Variants in DMRT1 observed in about 807,000 individuals in gnomAD.
DMRT1 encodes the protein doublesex- and mab-3-related transcription factor 1.
In DMRT1, 7 loss-of-function variants were observed where a neutral mutation model predicts 32.3. The observed-to-expected ratio is 0.22, with a 90% confidence interval of 0.12 to 0.41. The LOEUF is 0.41. DMRT1 is among the 10% of genes least tolerant of loss of function. The pLI is 1.00. For missense variants in DMRT1, 625 were observed against 500.5 expected (o/e 1.25, Z -2.37); for synonymous variants, 278 against 206.1 (o/e 1.35, Z -2.99).
At chr9:887,593 C>G (rs138191634) in intron 2 of DMRT1, among the ~76,000 whole-genome samples, 1 of 152,238 alleles carries the variant, frequency 6.6e-6, no homozygotes, top group Non-Finnish European at 1.5e-5. Flanking sequence ...GTGGCTGGAG[C>G]GCGTCTTGTC....
intron 2 of DMRT1, among the ~76,000 whole-genome samples, chr9:889,328 A>G (rs1316407139): frequency 1.3e-5 from 2 of 152,236 alleles, no homozygotes; most frequent in Admixed American, 1.3e-4. Context: ...TAAAGTGGTT[A>G]AACATTTTAA....
At chr9:860,034 C>T (rs1356411273) in intron 2 of DMRT1, among the ~76,000 whole-genome samples, 4 of 152,286 alleles carry the variant, frequency 2.6e-5, no homozygotes, top group Admixed American at 1.3e-4. Flanking sequence ...CGGTGGCTCA[C>T]GCCTGTAATC....
intron 2 of DMRT1, among the ~76,000 whole-genome samples, chr9:855,935 G>A (rs1250436254): frequency 6.7e-6 from 1 of 149,480 alleles, no homozygotes; most frequent in Non-Finnish European, 1.5e-5. Context: ...TTTTTTTTTT[G>A]AGATGAAGTC....
intron 3 of DMRT1, among the ~76,000 whole-genome samples, chr9:906,228 G>A (rs1011306111): frequency 2.0e-5 from 3 of 152,258 alleles, no homozygotes; most frequent in Admixed American, 1.3e-4. Context: ...ACCAGCCTGC[G>A]TCGGATCTTG....
chr9:947,434 A>G lies in DMRT1; in HGVS notation c.968-20551A>G, dbSNP rs902499847. 2.6e-5 allele frequency among the ~76,000 whole-genome samples: 4 copies of G among 152,198 alleles called. No homozygotes were observed. In the South Asian group the frequency reaches 8.3e-4, roughly 31 times the overall value. ...GTCTATTAAGGAAGGAAAGCTCGTA[A>G]TTTCTTGCTTCAGAAGTAATCACTC... On this transcript the variant is annotated intron_variant, in intron 4 of 4. Transcript: ENST00000382276.
At chr9:901,430 G>A (rs1162104796) in intron 3 of DMRT1, among the ~76,000 whole-genome samples, 4 of 152,044 alleles carry the variant, frequency 2.6e-5, no homozygotes, top group South Asian at 2.1e-4. Flanking sequence ...GGGTTCAAGC[G>A]ATTCTCCTGC....
chr9:898,307 A>G (rs1222102040), intron 3 of DMRT1, among the ~76,000 whole-genome samples: 3 of 152,088 alleles, frequency 2.0e-5, no homozygotes, highest in African/African-American at 4.8e-5. Flanking sequence ...TTTAGTGGAC[A>G]TGGGGTTTCA....
intron 4 of DMRT1, among the ~76,000 whole-genome samples, chr9:943,937 T>C (rs1819158894): frequency 6.6e-6 from 1 of 152,204 alleles, no homozygotes; most frequent in African/African-American, 2.4e-5. Context: ...CCAAATTCTT[T>C]TCCCTTGTGT....
intron 2 of DMRT1, among the ~76,000 whole-genome samples, chr9:868,683 C>T (rs1456766223): frequency 6.6e-6 from 1 of 152,136 alleles, no homozygotes; most frequent in Non-Finnish European, 1.5e-5. Flanking sequence ...TTATGAATTG[C>T]AGAGTATACT....
intron 4 of DMRT1, among the ~76,000 whole-genome samples, chr9:921,714 A>C (rs1275318900): frequency 2.0e-5 from 3 of 152,162 alleles, no homozygotes; most frequent in African/African-American, 7.2e-5. Flanking sequence ...TCTCTACAAA[A>C]AAATAAAAAA....
chr9:925,825 A>G (rs554056578), intron 4 of DMRT1, among the ~76,000 whole-genome samples: 7 of 152,274 alleles, frequency 4.6e-5, no homozygotes, highest in South Asian at 2.1e-4. Flanking sequence ...TAGGTAGGGG[A>G]AAGGAGGGGT....
chr9:869,814 T>C (rs1014749606), intron 2 of DMRT1, among the ~76,000 whole-genome samples: 2 of 152,190 alleles, frequency 1.3e-5, no homozygotes, highest in Non-Finnish European at 1.5e-5. Context: ...TCTCCTCTTC[T>C]CCCCATTTGG....
chr9:888,682 G>A (rs917639059), intron 2 of DMRT1, among the ~76,000 whole-genome samples: 2 of 147,584 alleles, frequency 1.4e-5, no homozygotes, highest in African/African-American at 5.2e-5. Context: ...ATATTTTTAG[G>A]AATAGCGTGT....
At chr9:952,193 C>T (rs1451939179) in intron 4 of DMRT1, among the ~76,000 whole-genome samples, 2 of 152,092 alleles carry the variant, frequency 1.3e-5, no homozygotes, top group African/African-American at 2.4e-5. Context: ...CCCTGTATCT[C>T]GAACAGTGCT....
At chr9:952,456 G>A (rs1366920332) in intron 4 of DMRT1, among the ~76,000 whole-genome samples, 1 of 152,168 alleles carries the variant, frequency 6.6e-6, no homozygotes, top group Non-Finnish European at 1.5e-5. Flanking sequence ...CAGGCAGCCC[G>A]TAAACCTGAG....
At chr9:916,958 T>A in intron 4 of DMRT1, 51 bp downstream of exon 4, 3 of 1,603,900 alleles carry the variant, frequency 1.9e-6, no homozygotes, top group Non-Finnish European at 2.6e-6. Context: ...AGGATGGCTA[T>A]CCAGTATTGG....
At chr9:967,705 G>T (rs1282407982) in intron 4 of DMRT1, among the ~76,000 whole-genome samples, 3 of 152,138 alleles carry the variant, frequency 2.0e-5, no homozygotes, top group Non-Finnish European at 4.4e-5. Flanking sequence ...GGATGCAGCC[G>T]ACTTGTTTTG....
intron 4 of DMRT1, among the ~76,000 whole-genome samples, chr9:958,887 G>T (rs1819680074): frequency 6.6e-6 from 1 of 152,170 alleles, no homozygotes; most frequent in African/African-American, 2.4e-5. Flanking sequence ...TCTGGCAGTG[G>T]TGTTGACTCC....
At chr9:962,126 G>T (rs1268412411) in intron 4 of DMRT1, among the ~76,000 whole-genome samples, 1 of 152,206 alleles carries the variant, frequency 6.6e-6, no homozygotes, top group East Asian at 1.9e-4. Context: ...TAGTTTTAGA[G>T]TGACTTTGAC....
Sources: allele counts gnomAD v4.1 joint callset (sites outside exome capture counted in the v4.1 genomes callset), GRCh38; gene constraint gnomAD v4.1.1; transcripts MANE v1.5; gene names NCBI Gene and HGNC (gene_info 2026-07-23, HGNC 2026-07-21).